The following TOGARAM1 variants were observed in gnomAD, a reference collection of about 807,000 sequenced individuals.
TOGARAM1 encodes the protein TOG array regulator of axonemal microtubules 1.
TOGARAM1 carries 100 observed loss-of-function variants against 166.6 expected under a neutral mutation model. That is an observed-to-expected ratio of 0.60 (90% CI 0.51 to 0.71). The LOEUF (loss-of-function observed/expected upper bound fraction) is 0.71, where lower values mean the gene tolerates loss of function less well. Ranked by LOEUF, TOGARAM1 falls within the 30% of genes least tolerant of loss-of-function variation. The probability of loss-of-function intolerance (pLI) is 0.00; values close to 1 mark genes in which losing one functional copy is unlikely to be tolerated. For synonymous variants in TOGARAM1, 758 were observed against 763.8 expected, an observed-to-expected ratio of 0.99 and a Z score of 0.13; for missense variants, 2,029 against 2,102.7, an observed-to-expected ratio of 0.96 and a Z score of 0.69.
Position 45,008,995 on chromosome 14 carries a change from G to A in TOGARAM1, c.2987G>A (p.Ser996Asn), listed in dbSNP as rs1386993606. ...KLSGSTSDLE[S>N]PDSAMKLDLT... ...AGTGGCAGTACTTCAGATCTTGAAA[G>A]CCCTGATTCTGCAATGAAGCTCGAC... Residue 996 changes from serine (S) to asparagine (N), a missense_variant, in exon 6 of 20, where the codon AGC becomes AAC. Ser to Asn is a conservative substitution (Grantham distance 46). Around this residue, in one of 2 missense-constraint regions of TOGARAM1, gnomAD observed 1,453 missense variants for 1,432.2 expected, o/e 1.01. Coordinates refer to ENST00000361462, the MANE Select transcript of TOGARAM1 (RefSeq NM_001308120.2). 2 of 1,614,114 alleles carry A rather than the reference G, an allele frequency of 1.2e-6. No homozygotes were observed. Among genetic ancestry groups the A allele is most frequent in the Admixed American group, 3.3e-5 (2 of 60,014 alleles).
At chr14:44,975,070 CT>C (rs749903803) in intron 1 of TOGARAM1, among the ~76,000 whole-genome samples, 4 of 152,130 alleles carry the variant, frequency 2.6e-5, no homozygotes, top group African/African-American at 7.2e-5. Context: ...TCCTTTACCC[CT>C]CTCTGTGTAT....
At chr14:45,051,406 C>T (rs1379878281) in intron 14 of TOGARAM1, among the ~76,000 whole-genome samples, 1 of 152,118 alleles carries the variant, frequency 6.6e-6, no homozygotes, top group Non-Finnish European at 1.5e-5. Context: ...AGGAAAACTT[C>T]ACAATTCTCC....
At chr14:44,992,901 G>A (rs1245637033) in intron 1 of TOGARAM1, among the ~76,000 whole-genome samples, 6 of 151,434 alleles carry the variant, frequency 4.0e-5, no homozygotes, top group Non-Finnish European at 8.8e-5. Flanking sequence ...ACAGGCGTGA[G>A]CCACCATGCC....
intron 10 of TOGARAM1, among the ~76,000 whole-genome samples, chr14:45,029,840 G>A (rs1243816528): frequency 6.6e-6 from 1 of 150,914 alleles, no homozygotes; most frequent in Non-Finnish European, 1.5e-5. Flanking sequence ...GTTTTTTTTT[G>A]AGATGGAGTT....
At chr14:45,065,127 C>G (rs1485940367) in intron 16 of TOGARAM1, among the ~76,000 whole-genome samples, 2 of 151,824 alleles carry the variant, frequency 1.3e-5, no homozygotes, top group African/African-American at 4.8e-5. Context: ...GCACTGCAGC[C>G]TGGGTGACAA....
rs534022866 is a variant in TOGARAM1 at position 45,015,352 on chromosome 14, A to G, written c.3238+3277A>G. 7.3e-5 allele frequency among the ~76,000 whole-genome samples: 11 copies of G among 149,736 alleles called. No individual in the cohort carries two copies. In the South Asian group the frequency reaches 1.9e-3, roughly 26 times the overall value. On this transcript the variant is annotated intron_variant, in intron 7 of 19. Coordinates refer to ENST00000361462, the MANE Select transcript of TOGARAM1 (RefSeq NM_001308120.2). ...TAAATAAATAAATAAATAAATAAAT[A>G]TATTTATACATATATACACACATCA...
At chr14:45,062,500 A>G (rs531293511) in intron 16 of TOGARAM1, among the ~76,000 whole-genome samples, 2 of 152,236 alleles carry the variant, frequency 1.3e-5, no homozygotes, top group African/African-American at 2.4e-5. Flanking sequence ...TTCACCTACT[A>G]TATAATTCAT....
At chr14:45,036,049 G>A (rs1881413734) in intron 11 of TOGARAM1, among the ~76,000 whole-genome samples, 2 of 145,290 alleles carry the variant, frequency 1.4e-5, no homozygotes, top group African/African-American at 5.0e-5. Flanking sequence ...AGGATTGCCT[G>A]AATCCAGGGG....
At chr14:45,022,632 G>C (rs935546711) in intron 7 of TOGARAM1, among the ~76,000 whole-genome samples, 7 of 151,666 alleles carry the variant, frequency 4.6e-5, no homozygotes, top group African/African-American at 1.7e-4. Flanking sequence ...CCTGAGGGGA[G>C]GAAACTATGT....
At chr14:44,990,077 T>A (rs1887048194) in intron 1 of TOGARAM1, among the ~76,000 whole-genome samples, 2 of 152,194 alleles carry the variant, frequency 1.3e-5, no homozygotes, top group South Asian at 4.1e-4. Context: ...TCTCCCTTGA[T>A]ATGTGGGGAT....
In TOGARAM1 at chr14:44,963,034, A is replaced by G. The variant is rs917345265; in HGVS notation, c.613A>G (p.Ile205Val). 22 of 1,614,174 alleles carry G rather than the reference A, an allele frequency of 1.4e-5. No homozygotes were observed. Among genetic ancestry groups the G allele is most frequent in the Non-Finnish European group, 1.8e-5 (21 of 1,180,032 alleles). The change falls in exon 1 of 20, where the codon ATA becomes GTA. Residue 205 changes from isoleucine (I) to valine (V), a missense_variant. Around this residue, in one of 2 missense-constraint regions of TOGARAM1, gnomAD observed 1,453 missense variants for 1,432.2 expected, o/e 1.01. Transcript: ENST00000361462. ...LRKDALQILH[I>V]CLKRSPGEVL... Reference sequence around the variant, plus strand: ...GAAAGATGCGCTGCAGATCCTTCATATATGTCTGAAACGTAGTCCTGGAGA... The same window carrying G: ...GAAAGATGCGCTGCAGATCCTTCATGTATGTCTGAAACGTAGTCCTGGAGA...
At chr14:44,991,383 T>C (rs571092567) in intron 1 of TOGARAM1, among the ~76,000 whole-genome samples, 7 of 152,296 alleles carry the variant, frequency 4.6e-5, no homozygotes, top group Middle Eastern at 3.4e-3. Flanking sequence ...ATTTCCCTCA[T>C]TGGAATTTTT....
chr14:45,049,170 A>G (rs1360355923), intron 14 of TOGARAM1, among the ~76,000 whole-genome samples: 1 of 146,796 alleles, frequency 6.8e-6, no homozygotes, highest in Non-Finnish European at 1.5e-5. Context: ...TTTGCATGCA[A>G]CCCTCCTCTG....
At chr14:45,062,479 C>T (rs1168991367) in intron 16 of TOGARAM1, among the ~76,000 whole-genome samples, 13 of 152,032 alleles carry the variant, frequency 8.6e-5, no homozygotes, top group South Asian at 6.2e-4. Context: ...TACAGTGTTA[C>T]GGAGACGTAA....
At chr14:45,068,068 T>TAGAA (rs1883214546) in intron 17 of TOGARAM1, among the ~76,000 whole-genome samples, 1 of 152,192 alleles carries the variant, frequency 6.6e-6, no homozygotes, top group East Asian at 1.9e-4. Context: ...GAAACTTTTC[T>TAGAA]AAGTTCTTAG....
intron 1 of TOGARAM1, among the ~76,000 whole-genome samples, chr14:44,969,172 C>CTTTCTTTT (rs1885743208): frequency 9.5e-6 from 1 of 105,266 alleles, no homozygotes; most frequent in Non-Finnish European, 2.0e-5. Context: ...TCTTTCTTTT[C>CTTTCTTTT]TTTTTTTTTT....
At chr14:45,071,857 T>C in intron 19 of TOGARAM1, 59 bp downstream of exon 19, 1 of 1,298,438 alleles carries the variant, frequency 7.7e-7, no homozygotes, top group Non-Finnish European at 1.1e-6. Flanking sequence ...ACTGATAAAC[T>C]GTTTCAATTT....
At chr14:45,065,286 A>G (rs993962471) in intron 16 of TOGARAM1, among the ~76,000 whole-genome samples, 3 of 152,208 alleles carry the variant, frequency 2.0e-5, no homozygotes, top group Non-Finnish European at 4.4e-5. Context: ...CAAAAGGATG[A>G]TCATCTAAAC....
chr14:45,044,106 T>C (rs1052677625), intron 12 of TOGARAM1, among the ~76,000 whole-genome samples: 6 of 151,950 alleles, frequency 3.9e-5, no homozygotes, highest in African/African-American at 1.5e-4. Flanking sequence ...TCCTCCTAGG[T>C]TCAAGAGACT....
Sources: allele counts gnomAD v4.1 joint callset (sites outside exome capture counted in the v4.1 genomes callset), GRCh38; gene constraint gnomAD v4.1.1; regional missense constraint gnomAD v4.1.1; transcripts MANE v1.5; gene names NCBI Gene and HGNC (gene_info 2026-07-23, HGNC 2026-07-21).